NRCAM: variants seen among roughly 807,000 people sequenced by gnomAD.
NRCAM encodes NgCAM-related cell adhesion molecule.
In NRCAM, 83 loss-of-function variants were observed where a neutral mutation model predicts 156.5. That is an observed-to-expected ratio of 0.53 (90% CI 0.44 to 0.64). The LOEUF (loss-of-function observed/expected upper bound fraction) is 0.64. Ranked by LOEUF, NRCAM falls within the 30% of genes least tolerant of loss-of-function variation. The pLI is 0.00. For missense variants in NRCAM, 1,417 were observed against 1,597.3 expected (o/e 0.89, Z 1.92); for synonymous variants, 538 against 563.9 (o/e 0.95, Z 0.65).
intron 2 of NRCAM, among the ~76,000 whole-genome samples, chr7:108,377,031 T>G (rs545891675): frequency 7.3e-6 from 1 of 137,500 alleles, no homozygotes; most frequent in South Asian, 2.5e-4. Flanking sequence ...CTAGGTGTTG[T>G]GATGTACCTG....
chr7:108,383,153 C>CACACACACACACACACAA (rs10669547), intron 2 of NRCAM, among the ~76,000 whole-genome samples: 326 of 151,608 alleles, frequency 2.2e-3, no homozygotes, highest in African/African-American at 7.2e-3. Context: ...CACACACACA[C>CACACACACACACACACAA]ACCCCTTGGT....
chr7:108,423,433 G>A lies in NRCAM; in HGVS notation c.-331-23840C>T, dbSNP rs192089656. Reference sequence around the variant, plus strand: ...TCACCTGATTCAGAGAGAAAAGGAAGAGGCACACATAAAATGAGAAAATCA... The same window carrying A: ...TCACCTGATTCAGAGAGAAAAGGAAAAGGCACACATAAAATGAGAAAATCA... On this transcript the variant is annotated intron_variant, in intron 1 of 32. Transcript: ENST00000379028. Among the ~76,000 whole-genome samples, 200 of 152,084 alleles carry A rather than the reference G, an allele frequency of 1.3e-3. 1 individual carries two copies. Among genetic ancestry groups the A allele is most frequent in the African/African-American group, 4.4e-3 (184 of 41,482 alleles).
At chr7:108,365,141 A>C (rs2099584191) in intron 2 of NRCAM, among the ~76,000 whole-genome samples, 3 of 152,100 alleles carry the variant, frequency 2.0e-5, no homozygotes, top group Admixed American at 2.0e-4. Flanking sequence ...AGCATTTAAC[A>C]TATATATATT....
Position 108,231,104 on chromosome 7 carries a change from A to G in NRCAM, c.477T>C (p.Ser159=). 6.2e-7 allele frequency: 1 copy of G among 1,608,868 alleles called. No individual in the cohort carries two copies. ...TGCAGGGAAGTACTAAAGACTGACC[A>G]CTTTGAAGTGTGATTGGTTCAAGTT... is the stretch of plus-strand genomic sequence containing the variant. The part of the protein sequence containing the change: ...KEKLEPITLQ[S]GQSLVLPCRP... The change falls in exon 8 of 33, where the codon AGT becomes AGC. Residue 159 remains serine (S), a synonymous_variant. Coordinates refer to ENST00000379028, the MANE Select transcript of NRCAM (RefSeq NM_001037132.4).
At chr7:108,310,180 G>A (rs2098782552) in intron 3 of NRCAM, among the ~76,000 whole-genome samples, 1 of 152,192 alleles carries the variant, frequency 6.6e-6, no homozygotes, top group Non-Finnish European at 1.5e-5. Flanking sequence ...ATGCTTTAAG[G>A]TGCAGCCTGG....
chr7:108,443,913 T>C (rs556839900), intron 1 of NRCAM, among the ~76,000 whole-genome samples: 24 of 152,194 alleles, frequency 1.6e-4, no homozygotes, highest in African/African-American at 5.3e-4. Context: ...CATACATACA[T>C]ACATACATAC....
In NRCAM at chr7:108,207,621, G is replaced by A. The variant is rs755791691; in HGVS notation, c.1114C>T (p.Leu372=). The A allele has an allele frequency of 3.1e-6, 5 of 1,613,652 alleles. No homozygotes were observed. In the South Asian group the frequency reaches 5.5e-5, roughly 18 times the overall value. Residue 372 remains leucine (L), a synonymous_variant, in exon 13 of 33, where the codon CTG becomes TTG. Coordinates refer to ENST00000379028, the MANE Select transcript of NRCAM (RefSeq NM_001037132.4). ...AAGGTCCCATCCTCTCCTGGGGACAGCACAAGATTTTGAGGGGCTGTGATC... is the reference window on the plus strand; with the variant it reads ...AAGGTCCCATCCTCTCCTGGGGACAACACAAGATTTTGAGGGGCTGTGATC... ...YWITAPQNLV[L]SPGEDGTLIC...
intron 8 of NRCAM, 151 bp from the exon 9 acceptor site, chr7:108,226,529 G>C: frequency 1.2e-5 from 3 of 255,098 alleles, no homozygotes; most frequent in Non-Finnish European, 1.3e-5. Flanking sequence ...GCAAATAACT[G>C]TAAAAAAAAA....
intron 1 of NRCAM, among the ~76,000 whole-genome samples, chr7:108,427,284 A>T (rs4730315): frequency 1.3e-5 from 2 of 152,090 alleles, no homozygotes; most frequent in African/African-American, 2.4e-5. Context: ...ACAGGCAGAT[A>T]GAATTATTTC....
chr7:108,294,377 C>T (rs372741335), intron 3 of NRCAM, among the ~76,000 whole-genome samples: 26 of 152,112 alleles, frequency 1.7e-4, no homozygotes, highest in African/African-American at 6.0e-4. Flanking sequence ...GTTCCTCCAA[C>T]ACCCCTCTTT....
intron 3 of NRCAM, among the ~76,000 whole-genome samples, chr7:108,281,712 A>G (rs1295951131): frequency 1.3e-5 from 2 of 152,224 alleles, no homozygotes; most frequent in African/African-American, 4.8e-5. Context: ...CAGAGCTATC[A>G]GCATGAGATG....
rs201240389 is a variant in NRCAM at position 108,324,877 on chromosome 7, C to CATTTTTTTTTT, written c.-173-12147_-173-12146insAAAAAAAAAAT. On this transcript the variant is annotated intron_variant, in intron 2 of 32. Transcript: ENST00000379028. The stretch of plus-strand genomic sequence containing the variant: ...TGTTTGTGTAATATTTGGCACTGTA[C>CATTTTTTTTTT]TTTTTTTTTTTTTTTTTTTTTTTTT... Among the ~76,000 whole-genome samples, 13 of 82,676 alleles carry CATTTTTTTTTT rather than the reference C, an allele frequency of 1.6e-4. 2 individuals are homozygous for CATTTTTTTTTT. Among genetic ancestry groups the CATTTTTTTTTT allele is most frequent in the African/African-American group, 1.0e-4 (2 of 19,532 alleles). The allele number at this position is 82,676 out of a possible 152,430, so 54.2% of individuals were successfully genotyped here.
chr7:108,311,912 C>A (rs758412918), intron 3 of NRCAM, among the ~76,000 whole-genome samples: 1 of 152,152 alleles, frequency 6.6e-6, no homozygotes, highest in Admixed American at 6.6e-5. Flanking sequence ...AATGTCTGAA[C>A]AATCGTGCTC....
At chr7:108,450,305 C>A (rs1213060338) in intron 1 of NRCAM, among the ~76,000 whole-genome samples, 1 of 150,828 alleles carries the variant, frequency 6.6e-6, no homozygotes, top group Non-Finnish European at 1.5e-5. Flanking sequence ...TTGATGGAAA[C>A]CCTCCATCAG....
chr7:108,436,849 C>T (rs1051496655), intron 1 of NRCAM, among the ~76,000 whole-genome samples: 4 of 152,116 alleles, frequency 2.6e-5, no homozygotes, highest in Non-Finnish European at 5.9e-5. Context: ...ATATGTATAA[C>T]AGTTTGGAGG....
chr7:108,278,310 C>T (rs896214568), intron 3 of NRCAM, among the ~76,000 whole-genome samples: 3 of 152,192 alleles, frequency 2.0e-5, no homozygotes, highest in Non-Finnish European at 4.4e-5. Context: ...CAGAAGTCGT[C>T]TGCTGCCTTT....
chr7:108,443,901 T>C (rs1464808328), intron 1 of NRCAM, among the ~76,000 whole-genome samples: 2 of 148,618 alleles, frequency 1.3e-5, no homozygotes, highest in Non-Finnish European at 2.9e-5. Flanking sequence ...GATACATACA[T>C]ACATACATAC....
intron 30 of NRCAM, among the ~76,000 whole-genome samples, chr7:108,165,108 C>T (rs2053043811): frequency 6.6e-6 from 1 of 152,180 alleles, no homozygotes; most frequent in African/African-American, 2.4e-5. Context: ...CATAAATAAT[C>T]CAGAACCAGT....
chr7:108,279,005 C>T (rs190726526), intron 3 of NRCAM, among the ~76,000 whole-genome samples: 1 of 152,310 alleles, frequency 6.6e-6, no homozygotes, highest in Non-Finnish European at 1.5e-5. Flanking sequence ...AGTGTCTTGT[C>T]AAGGCCCATA....
Sources: allele counts gnomAD v4.1 joint callset (sites outside exome capture counted in the v4.1 genomes callset), GRCh38; gene constraint gnomAD v4.1.1; transcripts MANE v1.5; gene names NCBI Gene and HGNC (gene_info 2026-07-23, HGNC 2026-07-21).